Variants in FBXO4 observed in about 807,000 individuals in gnomAD.
FBXO4 encodes the protein F-box protein 4, also known as F-box only protein 4.
FBXO4 carries 36 observed loss-of-function variants against 43.7 expected under a neutral mutation model. The ratio of observed to expected loss-of-function variants is 0.82; its 90% CI spans 0.63 to 1.09. The LOEUF is 1.09. FBXO4 is among the 50% of genes least tolerant of loss of function. FBXO4 has a pLI of 0.00. For synonymous variants in FBXO4, 180 were observed against 165.6 expected (o/e 1.09, Z -0.67); for missense variants, 435 against 474.1 (o/e 0.92, Z 0.77).
the FBXO4 span, among the ~76,000 whole-genome samples, chr5:42,010,240 C>T: frequency 6.6e-6 from 1 of 152,102 alleles, no homozygotes; most frequent in East Asian, 1.9e-4. Flanking sequence ...TGGCTCACGC[C>T]TGTAATCCCA....
chr5:42,039,757 A>G, the FBXO4 span, among the ~76,000 whole-genome samples: 1 of 152,124 alleles, frequency 6.6e-6, no homozygotes, highest in East Asian at 1.9e-4. Context: ...TTTTTCAGAT[A>G]TAATTAAGTG....
At chr5:41,950,199 G>A in the FBXO4 span, among the ~76,000 whole-genome samples, 3 of 152,044 alleles carry the variant, frequency 2.0e-5, no homozygotes, top group East Asian at 5.8e-4. Context: ...GGCAACAAAA[G>A]CCAAAATAGA....
At chr5:41,940,479 C>T (rs1481298568) in intron 6 of FBXO4, among the ~76,000 whole-genome samples, 1 of 152,088 alleles carries the variant, frequency 6.6e-6, no homozygotes, top group East Asian at 1.9e-4. Context: ...CCAGGCTGGT[C>T]CCGGATTCCT....
the FBXO4 span, among the ~76,000 whole-genome samples, chr5:41,960,533 T>C: frequency 1.3e-5 from 2 of 152,150 alleles, no homozygotes; most frequent in African/African-American, 4.8e-5. Context: ...CTTCTATATA[T>C]CTCATTTGTT....
the FBXO4 span, among the ~76,000 whole-genome samples, chr5:41,978,361 T>G: frequency 6.6e-6 from 1 of 152,154 alleles, no homozygotes; most frequent in Non-Finnish European, 1.5e-5. Context: ...ACATTCAAAC[T>G]CTATTACTTA....
chr5:41,932,912 G>T (rs1751734179), intron 3 of FBXO4, among the ~76,000 whole-genome samples: 1 of 152,100 alleles, frequency 6.6e-6, no homozygotes, highest in Non-Finnish European at 1.5e-5. Flanking sequence ...GGAGGGAAGA[G>T]GTTAAGAAAG....
Position 41,927,170 on chromosome 5 carries a change from A to C in FBXO4, c.347A>C (p.Lys116Thr). 6.2e-7 allele frequency: 1 copy of C among 1,613,946 alleles called. No homozygotes were observed. Among genetic ancestry groups the C allele is most frequent in the African/African-American group, 1.3e-5 (1 of 75,042 alleles). ...DLPSWSSVDW[K>T]SLPDLEILKK... ...CCTTCTTGGTCTTCTGTTGACTGGA[A>C]GTCTCTTCCAGATCTAGAAATCTTA... Residue 116 changes from lysine (K) to threonine (T), a missense_variant, in exon 2 of 7, where the codon AAG becomes ACG. Physicochemically the swap from Lys to Thr is moderately conservative, Grantham distance 78. Transcript: ENST00000281623.
the FBXO4 span, among the ~76,000 whole-genome samples, chr5:41,979,043 A>G: frequency 6.6e-6 from 1 of 152,058 alleles, no homozygotes; most frequent in East Asian, 1.9e-4. Context: ...TAGTCTTTTT[A>G]CAGGCAATGC....
At chr5:41,996,349 C>A in the FBXO4 span, among the ~76,000 whole-genome samples, 1 of 152,156 alleles carries the variant, frequency 6.6e-6, no homozygotes, top group African/African-American at 2.4e-5. Flanking sequence ...TCCACCAAAG[C>A]CCAGTAACAG....
the FBXO4 span, among the ~76,000 whole-genome samples, chr5:41,999,552 T>TAC: frequency 3.7e-5 from 5 of 134,884 alleles, no homozygotes; most frequent in African/African-American, 1.4e-4. Context: ...TATGTATATA[T>TAC]ATATATATAT....
chr5:41,934,554 G>C (rs1181019686), intron 5 of FBXO4: 7 of 1,355,202 alleles, frequency 5.2e-6, no homozygotes, highest in Non-Finnish European at 6.7e-6. Flanking sequence ...GATTTGGGTT[G>C]TGTGAATCAG....
the FBXO4 span, among the ~76,000 whole-genome samples, chr5:42,028,812 T>TA: frequency 0.016 from 2,448 of 150,970 alleles, 120 homozygotes; most frequent in East Asian, 0.1. Context: ...AAAAGAAAAC[T>TA]AAAAAAAAAC....
the FBXO4 span, among the ~76,000 whole-genome samples, chr5:41,961,124 T>A: frequency 1.1e-4 from 17 of 152,110 alleles, no homozygotes; most frequent in Admixed American, 1.0e-3. Context: ...CAGTGATTTG[T>A]CACCAATGGG....
At chr5:41,999,519 A>ATATATATG in the FBXO4 span, among the ~76,000 whole-genome samples, 1 of 115,500 alleles carries the variant, frequency 8.7e-6, no homozygotes, top group South Asian at 2.4e-4. Flanking sequence ...ATATATATAT[A>ATATATATG]TATACATATA....
chr5:42,021,332 G>A, the FBXO4 span, among the ~76,000 whole-genome samples: 3 of 152,046 alleles, frequency 2.0e-5, no homozygotes, highest in Non-Finnish European at 2.9e-5. Flanking sequence ...GTGGCTTGGT[G>A]ATTAATTGAC....
the FBXO4 span, among the ~76,000 whole-genome samples, chr5:41,955,681 G>C: frequency 6.6e-6 from 1 of 152,190 alleles, no homozygotes; most frequent in Non-Finnish European, 1.5e-5. Context: ...GTGCTGCCTA[G>C]CGAGTGAGCC....
rs1207106029 is a variant in FBXO4 at position 41,934,149 on chromosome 5, G to C, written c.739G>C (p.Ala247Pro). The change falls in exon 5 of 7, where the codon GCA (alanine) becomes CCA (proline). Residue 247 changes from alanine (A) to proline (P), a missense_variant. By Grantham distance (27) the Ala-to-Pro change is conservative. Transcript: ENST00000281623. ...YSTTRKERDR[A>P]REEHTSAVNK... ...TTTTTCTAGAAAGGAAAGAGATAGA[G>C]CAAGGGAAGAGCATACAAGTGCAGT... 2 of 1,613,868 alleles carry C rather than the reference G, an allele frequency of 1.2e-6. No individual in the cohort carries two copies. The highest frequency in any genetic ancestry group is 3.3e-5 in the Admixed American group (2 of 60,008).
downstream of FBXO4, among the ~76,000 whole-genome samples, chr5:41,943,305 C>T (rs550676067): frequency 6.6e-6 from 1 of 152,230 alleles, no homozygotes; most frequent in African/African-American, 2.4e-5. Context: ...GATGAACAAA[C>T]CAAAATTGTT....
the FBXO4 span, among the ~76,000 whole-genome samples, chr5:41,996,477 C>T: frequency 3.3e-5 from 5 of 152,222 alleles, no homozygotes; most frequent in Non-Finnish European, 5.9e-5. Context: ...AGGCTCCAAA[C>T]AGCATCTCTA....
Sources: gnomAD v4.1 joint callset for allele counts (sites outside exome capture counted in the v4.1 genomes callset) on GRCh38, gnomAD v4.1.1 for gene constraint, MANE v1.5 for transcripts, NCBI Gene and HGNC (gene_info 2026-07-23, HGNC 2026-07-21) for gene names.